Variants in COL11A1 observed in about 807,000 individuals in gnomAD.
The protein encoded by COL11A1 is collagen type XI alpha 1 chain.
In COL11A1, 74 loss-of-function variants were observed where a neutral mutation model predicts 265.2. That is an observed-to-expected ratio of 0.28 (90% confidence interval 0.23 to 0.34). COL11A1 has a LOEUF of 0.34. Ranked by LOEUF, COL11A1 falls within the 10% of genes least tolerant of loss-of-function variation. COL11A1 has a pLI of 1.00. For synonymous variants in COL11A1, 816 were observed against 727.6 expected, an observed-to-expected ratio of 1.12 and a Z score of -1.96; for missense variants, 2,165 against 2,263.6, an observed-to-expected ratio of 0.96 and a Z score of 0.88.
chr1:102,881,487 G>A (rs1256404160), intron 65 of COL11A1, among the ~76,000 whole-genome samples: 1 of 151,890 alleles, frequency 6.6e-6, no homozygotes, highest in African/African-American at 2.4e-5. Context: ...CATAAATTTA[G>A]CATATTTCCA....
In COL11A1 at chr1:103,025,621, T is replaced by C; in HGVS notation, c.898-8A>G. ...ATCATCAACGATGTTTGCCTAATGGTAAATTCAGAAGAGAATTAGTAAACA... is the reference window on the plus strand; with the variant it reads ...ATCATCAACGATGTTTGCCTAATGGCAAATTCAGAAGAGAATTAGTAAACA... On this transcript the variant is annotated splice_region_variant and splice_polypyrimidine_tract_variant and intron_variant, in intron 6 of 66. Transcript: ENST00000370096. The C allele has an allele frequency of 6.2e-7, 1 of 1,610,916 alleles. No individual in the cohort carries two copies. The highest frequency in any genetic ancestry group is 8.5e-7 in the Non-Finnish European group (1 of 1,177,436).
At chr1:102,974,611 T>C (rs1308814825) in intron 36 of COL11A1, among the ~76,000 whole-genome samples, 1 of 152,170 alleles carries the variant, frequency 6.6e-6, no homozygotes, top group Admixed American at 6.5e-5. Flanking sequence ...TAGTCTTCGG[T>C]ATACTGTCAA....
In COL11A1 at chr1:103,031,258, A is replaced by G. The variant is rs759287995; in HGVS notation, c.652-14T>C. On this transcript the variant is annotated splice_polypyrimidine_tract_variant and intron_variant, in intron 4 of 66. Transcript: ENST00000370096. The stretch of plus-strand genomic sequence containing the variant: ...CTGAATGTCCCCCTGGGAAAAAAAA[A>G]AAAACAAAAACAAACAGACACAGAT... The G allele has an allele frequency of 1.9e-6, 3 of 1,599,844 alleles. No individual in the cohort carries two copies. Among genetic ancestry groups the G allele is most frequent in the Non-Finnish European group, 1.7e-6 (2 of 1,177,694 alleles).
chr1:103,032,751 C>T (rs1028860889), intron 4 of COL11A1, among the ~76,000 whole-genome samples: 11 of 152,074 alleles, frequency 7.2e-5, no homozygotes, highest in Admixed American at 7.2e-4. Flanking sequence ...TGTTCATTCT[C>T]ACCCTTAGAA....
intron 41 of COL11A1, among the ~76,000 whole-genome samples, chr1:102,954,817 C>T (rs1207556876): frequency 6.7e-6 from 1 of 148,980 alleles, no homozygotes; most frequent in African/African-American, 2.5e-5. Context: ...GCATTCCAGA[C>T]TGGGCGACAA....
chr1:102,907,794 A>C (rs1436417295), intron 54 of COL11A1, among the ~76,000 whole-genome samples: 1 of 152,052 alleles, frequency 6.6e-6, no homozygotes, highest in Non-Finnish European at 1.5e-5. Flanking sequence ...AGCATACAAA[A>C]TTTTAGTTTA....
chr1:102,933,834 G>T (rs1175271649), intron 46 of COL11A1, among the ~76,000 whole-genome samples: 1 of 152,170 alleles, frequency 6.6e-6, no homozygotes, highest in Non-Finnish European at 1.5e-5. Flanking sequence ...CAGTATTCCG[G>T]TGGGAGTGAC....
chr1:102,975,992 C>T (rs1040810063), intron 35 of COL11A1, among the ~76,000 whole-genome samples: 2 of 152,026 alleles, frequency 1.3e-5, no homozygotes, highest in Non-Finnish European at 2.9e-5. Flanking sequence ...ACTACCAAAA[C>T]TACTGGGCAA....
At chr1:103,024,657 T>G (rs1191298905) in intron 7 of COL11A1, among the ~76,000 whole-genome samples, 1 of 150,800 alleles carries the variant, frequency 6.6e-6, no homozygotes, top group Non-Finnish European at 1.5e-5. Context: ...TGAATCAAAA[T>G]ACTCATTTTT....
chr1:103,033,908 A>G (rs1220513167), intron 4 of COL11A1, among the ~76,000 whole-genome samples: 1 of 152,222 alleles, frequency 6.6e-6, no homozygotes, highest in South Asian at 2.1e-4. Flanking sequence ...AGCTGGGTCT[A>G]TAAGTGCATG....
At chr1:102,899,040 T>A in intron 54 of COL11A1, 46 bp from the exon 55 acceptor site, 1 of 1,112,464 alleles carries the variant, frequency 9.0e-7, no homozygotes, top group Non-Finnish European at 1.3e-6. Flanking sequence ...CATATAAAAG[T>A]AATGTTAATG....
intron 28 of COL11A1, among the ~76,000 whole-genome samples, chr1:102,995,637 T>G (rs1014583997): frequency 1.2e-4 from 18 of 151,998 alleles, no homozygotes; most frequent in African/African-American, 4.1e-4. Context: ...GATGCAGAAT[T>G]AATTCTCTTA....
intron 46 of COL11A1, among the ~76,000 whole-genome samples, chr1:102,928,348 G>A (rs982740496): frequency 1.3e-5 from 2 of 151,048 alleles, no homozygotes; most frequent in South Asian, 4.2e-4. Context: ...AGAATATGCG[G>A]TGTTTGGTTT....
intron 1 of COL11A1, among the ~76,000 whole-genome samples, chr1:103,106,548 G>C (rs944252122): frequency 6.6e-6 from 1 of 152,008 alleles, no homozygotes; most frequent in African/African-American, 2.4e-5. Context: ...CAATCCAACC[G>C]GTGACCAGGT....
rs1276466167 is a variant in COL11A1, at chr1:102,998,340, A to G, written c.2166T>C (p.Leu722=). ...GEKGPQGKPG[L]AGLPGADGPP... The stretch of plus-strand genomic sequence containing the variant: ...GCCCATCAGCACCAGGAAGTCCAGC[A>G]AGTCCTGGTTTTCCTTGTGGTCCCT... The change falls in exon 25 of 67, where the codon CTT becomes CTC. Residue 722 remains leucine, a synonymous_variant. Transcript: ENST00000370096. 6.2e-7 allele frequency: 1 copy of G among 1,605,470 alleles called. No individual in the cohort carries two copies. The highest frequency in any genetic ancestry group is 8.5e-7 in the Non-Finnish European group (1 of 1,175,396).
chr1:102,976,552 G>C (rs1662513547), intron 35 of COL11A1, among the ~76,000 whole-genome samples: 1 of 151,914 alleles, frequency 6.6e-6, no homozygotes, highest in African/African-American at 2.4e-5. Context: ...GCCCACCTCT[G>C]CCTCCCAAAG....
At chr1:102,898,883 TA>T in intron 55 of COL11A1, 57 bp downstream of exon 55, 1 of 1,207,354 alleles carries the variant, frequency 8.3e-7, no homozygotes, top group South Asian at 1.4e-5. Context: ...TTTTCAAATA[TA>T]ATACCTTGTA....
intron 30 of COL11A1, 147 bp from the exon 31 acceptor site, chr1:102,984,338 A>T: frequency 1.7e-6 from 1 of 585,172 alleles, no homozygotes; most frequent in Non-Finnish European, 3.0e-6. Context: ...TACCTTCATT[A>T]TATTTCTTCA....
At chr1:103,022,606 AG>A (rs1667184705) in intron 8 of COL11A1, 135 bp downstream of exon 8, 2 of 935,254 alleles carry the variant, frequency 2.1e-6, no homozygotes, top group Non-Finnish European at 3.3e-6. Flanking sequence ...AAGGTGTCCT[AG>A]TGGTAATAGG....
Sources: allele counts gnomAD v4.1 joint callset (sites outside exome capture counted in the v4.1 genomes callset), GRCh38; gene constraint gnomAD v4.1.1; transcripts MANE v1.5; gene names NCBI Gene and HGNC (gene_info 2026-07-23, HGNC 2026-07-21).